The following TCF7L2 variants were observed in gnomAD, a reference collection of about 807,000 sequenced individuals.
TCF7L2 encodes the protein transcription factor 7 like 2.
Under a neutral mutation model 77.9 loss-of-function variants are expected in TCF7L2, and 23 were observed. The ratio of observed to expected loss-of-function variants is 0.30; its 90% CI spans 0.21 to 0.42. TCF7L2 has a LOEUF of 0.42. Among genes scored for constraint, TCF7L2 ranks in the 10% least tolerant of loss-of-function variants. The probability of loss-of-function intolerance (pLI) is 1.00; values close to 1 mark genes in which losing one functional copy is unlikely to be tolerated. For missense variants in TCF7L2, 654 were observed against 793.1 expected (o/e 0.82, Z 2.11); for synonymous variants, 413 against 340.2 (o/e 1.21, Z -2.36).
At chr10:113,086,962 G>T (rs2059902006) in intron 5 of TCF7L2, among the ~76,000 whole-genome samples, 1 of 151,922 alleles carries the variant, frequency 6.6e-6, no homozygotes, top group South Asian at 2.1e-4. Context: ...GGAAAGTGTG[G>T]TCTTGAGGGG....
intron 5 of TCF7L2, among the ~76,000 whole-genome samples, chr10:113,046,391 G>A (rs2053463561): frequency 2.0e-5 from 3 of 152,090 alleles, no homozygotes; most frequent in South Asian, 4.1e-4. Flanking sequence ...TTCCAGAGAT[G>A]GGGGCTCTAT....
chr10:113,108,519 G>A (rs754835230), intron 5 of TCF7L2, among the ~76,000 whole-genome samples: 186 of 152,322 alleles, frequency 1.2e-3, no homozygotes, highest in Admixed American at 4.1e-3. Flanking sequence ...AAGAAAAGGA[G>A]TAGGACTCTA....
At chr10:113,073,542 A>G (rs1451461846) in intron 5 of TCF7L2, among the ~76,000 whole-genome samples, 2 of 145,778 alleles carry the variant, frequency 1.4e-5, no homozygotes, top group Non-Finnish European at 3.0e-5. Flanking sequence ...AATCAAAAAA[A>G]TTAGCTGGGG....
intron 5 of TCF7L2, among the ~76,000 whole-genome samples, chr10:113,093,659 A>G (rs2060627160): frequency 6.6e-6 from 1 of 152,180 alleles, no homozygotes. Flanking sequence ...TGACTCAGAA[A>G]GTCAATATCC....
intron 3 of TCF7L2, among the ~76,000 whole-genome samples, chr10:112,961,429 C>T (rs1265908981): frequency 1.3e-5 from 2 of 152,146 alleles, no homozygotes; most frequent in Admixed American, 1.3e-4. Flanking sequence ...TTTATTCTTC[C>T]TTCTAGCTTC....
chr10:113,120,054 G>A (rs1290162064), intron 5 of TCF7L2, among the ~76,000 whole-genome samples: 8 of 152,284 alleles, frequency 5.3e-5, no homozygotes, highest in South Asian at 4.2e-4. Flanking sequence ...TGTGTCCCTC[G>A]GCTAAGCTGT....
intron 4 of TCF7L2, among the ~76,000 whole-genome samples, chr10:113,018,337 G>A (rs879742226): frequency 1.3e-5 from 2 of 151,700 alleles, no homozygotes; most frequent in Non-Finnish European, 2.9e-5. Context: ...AGAATGCTGG[G>A]TTGGGCAGTG....
intron 4 of TCF7L2, among the ~76,000 whole-genome samples, chr10:113,016,869 C>T (rs749953346): frequency 3.3e-5 from 5 of 152,146 alleles, no homozygotes; most frequent in African/African-American, 1.2e-4. Flanking sequence ...GCATCCCACG[C>T]GGGAGCACTC....
intron 5 of TCF7L2, among the ~76,000 whole-genome samples, chr10:113,052,995 G>A (rs972516469): frequency 2.6e-5 from 4 of 151,774 alleles, no homozygotes; most frequent in Non-Finnish European, 5.9e-5. Context: ...TCTTTTTTTG[G>A]TGCAAACCCA....
chr10:113,155,922 G>A (rs1256104331), intron 11 of TCF7L2, among the ~76,000 whole-genome samples: 2 of 152,088 alleles, frequency 1.3e-5, no homozygotes, highest in Non-Finnish European at 2.9e-5. Flanking sequence ...GGAACATAGC[G>A]CGTTTCAACA....
chr10:113,028,977 CCT>C (rs376424123), intron 4 of TCF7L2, among the ~76,000 whole-genome samples: 13 of 152,262 alleles, frequency 8.5e-5, no homozygotes, highest in African/African-American at 2.9e-4. Context: ...TGTGAAATCC[CCT>C]GTGTAGTGGG....
At chr10:113,071,564 C>G (rs2058021867) in intron 5 of TCF7L2, among the ~76,000 whole-genome samples, 1 of 152,142 alleles carries the variant, frequency 6.6e-6, no homozygotes, top group Admixed American at 6.6e-5. Flanking sequence ...AGTTCACACT[C>G]AGGAGGGAGG....
intron 5 of TCF7L2, among the ~76,000 whole-genome samples, chr10:113,089,767 C>G (rs955902309): frequency 6.6e-6 from 1 of 152,128 alleles, no homozygotes; most frequent in Non-Finnish European, 1.5e-5. Flanking sequence ...GGGTGGTGCT[C>G]GCATGACTCC....
chr10:113,076,941 T>A (rs1412212812), intron 5 of TCF7L2, among the ~76,000 whole-genome samples: 1 of 152,242 alleles, frequency 6.6e-6, no homozygotes, highest in Non-Finnish European at 1.5e-5. Context: ...TTCATGCTAT[T>A]AAGAATTACA....
intron 5 of TCF7L2, among the ~76,000 whole-genome samples, chr10:113,044,518 G>A (rs2053082798): frequency 6.6e-6 from 1 of 152,220 alleles, no homozygotes; most frequent in African/African-American, 2.4e-5. Context: ...TGCCTGCTGA[G>A]CACCAGCAAA....
At chr10:112,963,411 C>T (rs1226233830) in intron 3 of TCF7L2, among the ~76,000 whole-genome samples, 2 of 152,140 alleles carry the variant, frequency 1.3e-5, no homozygotes, top group Non-Finnish European at 2.9e-5. Flanking sequence ...GTAACACAGA[C>T]GTGTTCTGGT....
intron 3 of TCF7L2, among the ~76,000 whole-genome samples, chr10:112,960,495 A>T (rs1234796678): frequency 6.6e-6 from 1 of 152,124 alleles, no homozygotes; most frequent in Non-Finnish European, 1.5e-5. Context: ...GAAGCAATGA[A>T]ATGGAAAATA....
At chr10:113,117,986 A>AAAT (rs1167977804) in intron 5 of TCF7L2, among the ~76,000 whole-genome samples, 1 of 122,560 alleles carries the variant, frequency 8.2e-6, no homozygotes, top group Non-Finnish European at 1.6e-5. Flanking sequence ...CCCCATAAAT[A>AAAT]AATAATAAAA....
chr10:113,158,847 T>G (rs1355667825), intron 12 of TCF7L2, 130 bp downstream of exon 13: 1 of 896,614 alleles, frequency 1.1e-6, no homozygotes, highest in African/African-American at 1.7e-5. Flanking sequence ...ATCAACACGG[T>G]TTCGTATGTT....
Sources: gnomAD v4.1 joint callset for allele counts (sites outside exome capture counted in the v4.1 genomes callset) on GRCh38, gnomAD v4.1.1 for gene constraint, MANE v1.5 for transcripts, NCBI Gene and HGNC (gene_info 2026-07-23, HGNC 2026-07-21) for gene names.